Variants in RABGEF1 observed in about 807,000 individuals in gnomAD.
RABGEF1 encodes RAB guanine nucleotide exchange factor 1, also known as rab5 GDP/GTP exchange factor.
A neutral mutation model predicts 57.3 loss-of-function variants in RABGEF1; 26 were observed. The ratio of observed to expected loss-of-function variants is 0.45; its 90% CI spans 0.33 to 0.63. RABGEF1 has a LOEUF of 0.63. RABGEF1 is among the 20% of genes least tolerant of loss of function. The pLI is 0.02. For missense variants in RABGEF1, 464 were observed against 607.6 expected, an observed-to-expected ratio of 0.76 and a Z score of 2.48; for synonymous variants, 185 against 210.7, an observed-to-expected ratio of 0.88 and a Z score of 1.06.
At chr7:66,794,982 AAG>A (rs1246792569) in intron 4 of RABGEF1, among the ~76,000 whole-genome samples, 1 of 152,220 alleles carries the variant, frequency 6.6e-6, no homozygotes, top group Admixed American at 6.5e-5. Context: ...ATTTAGCAAA[AAG>A]AATGAGATGG....
intron 1 of RABGEF1, among the ~76,000 whole-genome samples, chr7:66,707,111 G>A (rs1462726030): frequency 6.6e-6 from 1 of 152,120 alleles, no homozygotes; most frequent in Non-Finnish European, 1.5e-5. Context: ...GAAGTATGTT[G>A]ATTAGTTTCC....
At chr7:66,740,942 C>G (rs1007195578) in intron 1 of RABGEF1, 150 bp downstream of exon 1, 1 of 152,372 alleles carries the variant, frequency 6.6e-6, no homozygotes, top group Non-Finnish European at 1.5e-5. Flanking sequence ...TCCCGCTGTC[C>G]TTCGTCCCAC....
chr7:66,782,431 T>C (rs1386791103), intron 3 of RABGEF1, among the ~76,000 whole-genome samples: 1 of 152,028 alleles, frequency 6.6e-6, no homozygotes, highest in South Asian at 2.1e-4. Flanking sequence ...TACCCCCTAT[T>C]TTACATAAAA....
chr7:66,677,926 G>A (rs1374019257), upstream of RABGEF1, among the ~76,000 whole-genome samples: 1 of 151,424 alleles, frequency 6.6e-6, no homozygotes, highest in African/African-American at 2.4e-5. Flanking sequence ...TTAGCCAGGC[G>A]TGGTGGCGTG....
At chr7:66,658,748 T>G in the RABGEF1 span, among the ~76,000 whole-genome samples, 12 of 152,240 alleles carry the variant, frequency 7.9e-5, no homozygotes, top group African/African-American at 2.6e-4. Flanking sequence ...TTTTTTTGTT[T>G]GTTTTGAGAC....
chr7:66,760,666 A>T (rs1346385404), intron 1 of RABGEF1, among the ~76,000 whole-genome samples: 1 of 151,754 alleles, frequency 6.6e-6, no homozygotes, highest in African/African-American at 2.4e-5. Flanking sequence ...CTGGTCTCAA[A>T]CTCCTGACCA....
chr7:66,800,403 G>A (rs1194207140), intron 7 of RABGEF1, among the ~76,000 whole-genome samples: 7 of 152,220 alleles, frequency 4.6e-5, no homozygotes, highest in Admixed American at 2.0e-4. Flanking sequence ...CCACTTTCTC[G>A]GGTTCTGCTT....
At chr7:66,751,032 CTTT>C (rs765625657) in intron 1 of RABGEF1, among the ~76,000 whole-genome samples, 1 of 142,854 alleles carries the variant, frequency 7.0e-6, no homozygotes, top group Non-Finnish European at 1.5e-5. Flanking sequence ...CTCTTTTTTT[CTTT>C]TTTTTTTTTT....
intron 2 of RABGEF1, 43 bp downstream of exon 2, chr7:66,772,121 G>A: frequency 7.4e-7 from 1 of 1,356,104 alleles, no homozygotes; most frequent in Non-Finnish European, 9.7e-7. Context: ...TGACGTGACT[G>A]GATACATAGT....
Position 66,713,144 on chromosome 7 carries a change from C to CT in RABGEF1, c.-815+935dup, listed in dbSNP as rs575223946. On this transcript the variant is annotated intron_variant and NMD_transcript_variant, in intron 2 of 9. Transcript: ENST00000607882. ...GGATTTTCTTTTTTTCTTTTCTTTTCTTTTTTTTTTTTTTTGAGACGTAGT... is the reference window on the plus strand; with the variant it reads ...GGATTTTCTTTTTTTCTTTTCTTTTCTTTTTTTTTTTTTTTTGAGACGTAGT... Among the ~76,000 whole-genome samples, 667 of 137,832 alleles carry CT rather than the reference C, an allele frequency of 4.8e-3. 2 individuals carry two copies. Among genetic ancestry groups the CT allele is most frequent in the South Asian group, 0.016 (71 of 4,312 alleles). The allele number at this position is 137,832 out of a possible 152,430, so 90.4% of individuals were successfully genotyped here.
chr7:66,795,238 A>G (rs1278259831), intron 4 of RABGEF1, among the ~76,000 whole-genome samples: 1 of 152,126 alleles, frequency 6.6e-6, no homozygotes, highest in Non-Finnish European at 1.5e-5. Context: ...TGTCTTACCC[A>G]CCATTCAAAC....
intron 3 of RABGEF1, among the ~76,000 whole-genome samples, chr7:66,777,366 C>T (rs1255550253): frequency 6.6e-6 from 1 of 152,016 alleles, no homozygotes; most frequent in Admixed American, 6.6e-5. Flanking sequence ...GAACTCATGT[C>T]TCCTAATTCC....
rs965661323 is a variant in RABGEF1 at position 66,805,164 on chromosome 7, G to A, written c.845G>A (p.Arg282His). The change falls in exon 8 of 9, where the codon CGT (arginine) becomes CAT (histidine). Residue 282 changes from arginine (R) to histidine (H), a missense_variant. This residue lies in a region of RABGEF1 where 284 missense variants were observed against 389.9 expected (regional missense o/e 0.73). Transcript: ENST00000284957. ...GATATCATTGAAATGGATTCCAAGC[G>A]TGTGCCTCGAGACAAGCTGGCCTGC... ...ITDIIEMDSK[R>H]VPRDKLACIT... 1.6e-5 allele frequency: 26 copies of A among 1,607,388 alleles called. No homozygotes were observed. Among genetic ancestry groups the A allele is most frequent in the East Asian group, 1.1e-4 (5 of 44,858 alleles).
At chr7:66,787,947 A>G (rs771930641) in intron 4 of RABGEF1, among the ~76,000 whole-genome samples, 1 of 152,220 alleles carries the variant, frequency 6.6e-6, no homozygotes, top group Non-Finnish European at 1.5e-5. Context: ...TTAGACTGCA[A>G]TTAAATAAAA....
intron 2 of RABGEF1, among the ~76,000 whole-genome samples, chr7:66,714,993 C>T (rs1316610541): frequency 1.3e-5 from 2 of 151,996 alleles, no homozygotes; most frequent in Admixed American, 6.6e-5. Flanking sequence ...AAACTTTCGT[C>T]GTCCTCCTCC....
At chr7:66,690,031 C>G (rs1791282327) in intron 1 of RABGEF1, among the ~76,000 whole-genome samples, 1 of 151,584 alleles carries the variant, frequency 6.6e-6, no homozygotes, top group South Asian at 2.1e-4. Context: ...GCATTGATAA[C>G]TAGAGCCAGA....
At chr7:66,714,913 C>A (rs773720864) in intron 2 of RABGEF1, among the ~76,000 whole-genome samples, 1 of 152,036 alleles carries the variant, frequency 6.6e-6, no homozygotes, top group African/African-American at 2.4e-5. Flanking sequence ...CCAGCCTGGG[C>A]GACAGAGCGA....
intron 1 of RABGEF1, among the ~76,000 whole-genome samples, chr7:66,697,091 C>T (rs1478593576): frequency 6.6e-6 from 1 of 152,146 alleles, no homozygotes; most frequent in Non-Finnish European, 1.5e-5. Flanking sequence ...TCTGTGTCAA[C>T]CAGGAAGCAC....
chr7:66,798,618 G>C (rs1249244043), intron 6 of RABGEF1, among the ~76,000 whole-genome samples: 2 of 152,168 alleles, frequency 1.3e-5, no homozygotes, highest in Admixed American at 6.5e-5. Context: ...AGTGATTCAG[G>C]CATGGTGGTC....
Sources: gnomAD v4.1 joint callset for allele counts (sites outside exome capture counted in the v4.1 genomes callset) on GRCh38, gnomAD v4.1.1 for gene constraint, gnomAD v4.1.1 regional missense constraint, MANE v1.5 for transcripts, NCBI Gene and HGNC (gene_info 2026-07-23, HGNC 2026-07-21) for gene names.